COL4A2: variants seen among roughly 807,000 people sequenced by gnomAD.
COL4A2 encodes the protein collagen type IV alpha 2 chain, also known as collagen alpha-2(IV) chain.
In COL4A2, 99 loss-of-function variants were observed where a neutral mutation model predicts 200.2. The observed-to-expected ratio is 0.49, with a 90% confidence interval of 0.42 to 0.58. The LOEUF (loss-of-function observed/expected upper bound fraction) is 0.58, where lower values mean the gene tolerates loss of function less well. Among genes scored for constraint, COL4A2 ranks in the 20% least tolerant of loss-of-function variants. The probability of loss-of-function intolerance (pLI) is 0.00; values close to 1 mark genes in which losing one functional copy is unlikely to be tolerated. For synonymous variants in COL4A2, 897 were observed against 900.6 expected (o/e 1.00, Z 0.07); for missense variants, 1,950 against 2,314.1 (o/e 0.84, Z 3.23).
intron 28 of COL4A2, among the ~76,000 whole-genome samples, chr13:110,472,519 T>C (rs1241203066): frequency 6.6e-6 from 1 of 152,162 alleles, no homozygotes; most frequent in Admixed American, 6.5e-5. Context: ...CTGACGGCCC[T>C]GTTCGTTCCT....
intron 4 of COL4A2, among the ~76,000 whole-genome samples, chr13:110,389,265 G>A (rs1370043065): frequency 6.6e-6 from 1 of 152,160 alleles, no homozygotes; most frequent in Non-Finnish European, 1.5e-5. Context: ...ATAAAGTAGT[G>A]CATCATGTGG....
Position 110,385,962 on chromosome 13 carries a change from TGTGGATGGGCCGTGGTC to T in COL4A2, c.180+28411_180+28427del, listed in dbSNP as rs1566505657. 4.5e-5 allele frequency among the ~76,000 whole-genome samples: 6 copies of T among 132,618 alleles called. 2 individuals are homozygous for T. The highest frequency in any genetic ancestry group is 5.1e-4 in the South Asian group (2 of 3,950). 87.0% of individuals were successfully genotyped at this position (132,618 alleles called of 152,430 possible). A position where few individuals can be genotyped will look rare whatever the true frequency, so the allele number is the denominator to read the frequency against. On this transcript the variant is annotated intron_variant, in intron 4 of 47. Coordinates refer to ENST00000360467, the MANE Select transcript of COL4A2 (RefSeq NM_001846.4). Reference sequence around the variant, plus strand: ...GTGTGGATGGGCCGTGGTCACAGCGTGTGGATGGGCCGTGGTCACAGCGTGTGGATGGGCCGTGGTCA... The same window carrying T: ...GTGTGGATGGGCCGTGGTCACAGCGTACAGCGTGTGGATGGGCCGTGGTCA...
intron 16 of COL4A2, among the ~76,000 whole-genome samples, chr13:110,440,453 C>A (rs887853239): frequency 6.6e-6 from 1 of 151,970 alleles, no homozygotes; most frequent in Non-Finnish European, 1.5e-5. Context: ...CAAAATTTGC[C>A]AGGCATGGTG....
chr13:110,408,826 C>CAT (rs1879690389), intron 4 of COL4A2, among the ~76,000 whole-genome samples: 1 of 10,048 alleles, frequency 1.0e-4, no homozygotes, highest in Non-Finnish European at 2.2e-4. Flanking sequence ...CACACACATG[C>CAT]ACACACACAT....
In COL4A2 at chr13:110,482,761, A is replaced by G. The variant is rs114140846; in HGVS notation, c.2902+102A>G. 1.2e-3 allele frequency: 1,525 copies of G among 1,275,796 alleles called. 8 individuals carry two copies. Among genetic ancestry groups the G allele is most frequent in the African/African-American group, 0.01 (673 of 67,186 alleles). The allele number at this position is 1,275,796 out of a possible 1,614,324, so 79.0% of individuals were successfully genotyped here. On this transcript the variant is annotated intron_variant, in intron 32 of 47. Coordinates refer to ENST00000360467, the MANE Select transcript of COL4A2 (RefSeq NM_001846.4). The stretch of plus-strand genomic sequence containing the variant: ...GCCCAGAATGAATTTTTGAAAACCC[A>G]TGCATCCAGGAACCCTAAAGCTAGA...
chr13:110,310,573 T>C (rs1884949062), intron 3 of COL4A2, among the ~76,000 whole-genome samples: 1 of 152,268 alleles, frequency 6.6e-6, no homozygotes, highest in Non-Finnish European at 1.5e-5. Context: ...TTCTACTTAC[T>C]CACTTCTTGG....
intron 45 of COL4A2, 52 bp downstream of exon 45, chr13:110,504,316 C>T (rs769943222): frequency 1.6e-5 from 23 of 1,460,708 alleles, no homozygotes; most frequent in Non-Finnish European, 2.1e-5. Flanking sequence ...CTGGATCTGA[C>T]TCACAGACTG....
intron 4 of COL4A2, among the ~76,000 whole-genome samples, chr13:110,390,097 T>C (rs183781348): frequency 1.7e-4 from 26 of 152,310 alleles, no homozygotes; most frequent in African/African-American, 6.0e-4. Flanking sequence ...TCAAAAAGCA[T>C]GTATTGAGCC....
At chr13:110,460,330 G>T (rs1197804868) in intron 22 of COL4A2, among the ~76,000 whole-genome samples, 2 of 152,172 alleles carry the variant, frequency 1.3e-5, no homozygotes, top group Non-Finnish European at 2.9e-5. Flanking sequence ...TCAGAAAACA[G>T]ATAGGAAAAT....
In COL4A2 at chr13:110,489,479, A is replaced by G. The variant is rs370759950; in HGVS notation, c.3242A>G (p.Tyr1081Cys). 2.0e-5 allele frequency: 32 copies of G among 1,614,088 alleles called. No homozygotes were observed. The highest frequency in any genetic ancestry group is 1.7e-4 in the African/African-American group (13 of 74,928). The stretch of plus-strand genomic sequence containing the variant: ...GGTGCCCCAGGGAGAGCAGGCCTGT[A>G]TGGCGAGATTGGCGCGACTGGTGAT... ...DKGAPGRAGL[Y>C]GEIGATGDFG... is the part of the protein sequence containing the mutation. Residue 1081 changes from tyrosine (Y) to cysteine (C), a missense_variant, in exon 35 of 48, where the codon TAT becomes TGT. Physicochemically the swap from Tyr to Cys is radical, Grantham distance 194 (BLOSUM62 -2). Around this residue, in one of 2 missense-constraint regions of COL4A2, gnomAD observed 1,385 missense variants for 1,720.5 expected, o/e 0.80. Coordinates refer to ENST00000360467, the MANE Select transcript of COL4A2 (RefSeq NM_001846.4).
intron 3 of COL4A2, among the ~76,000 whole-genome samples, chr13:110,351,825 G>T (rs1411249731): frequency 6.6e-6 from 1 of 152,188 alleles, no homozygotes; most frequent in Non-Finnish European, 1.5e-5. Context: ...GGGAAGTAAT[G>T]ATTCATCCCC....
chr13:110,438,804 C>A lies in COL4A2; in HGVS notation c.912+136C>A, dbSNP rs1267321649. The A allele has an allele frequency of 6.6e-5, 43 of 650,622 alleles. 1 individual carries two copies. The highest frequency in any genetic ancestry group is 1.0e-4 in the Non-Finnish European group (41 of 408,898). 40.3% of individuals were successfully genotyped at this position (650,622 alleles called of 1,614,324 possible). A position where few individuals can be genotyped will look rare whatever the true frequency, so the allele number is the denominator to read the frequency against. ...GAGATTTCCCGTTATTACTCCCCAC[C>A]CCCCCCCACACACACACACAGCAGC... On this transcript the variant is annotated intron_variant, in intron 15 of 47. Coordinates refer to ENST00000360467, the MANE Select transcript of COL4A2 (RefSeq NM_001846.4).
chr13:110,338,034 A>G (rs1263450557), intron 3 of COL4A2, among the ~76,000 whole-genome samples: 1 of 152,152 alleles, frequency 6.6e-6, no homozygotes, highest in African/African-American at 2.4e-5. Flanking sequence ...AAACTCTCCA[A>G]AGGAACCATT....
chr13:110,488,311 C>T (rs898858908), intron 34 of COL4A2, among the ~76,000 whole-genome samples: 1 of 152,234 alleles, frequency 6.6e-6, no homozygotes, highest in African/African-American at 2.4e-5. Flanking sequence ...AGGCCTGAGC[C>T]ACCACCCCCG....
chr13:110,408,706 G>C (rs1417367215), intron 4 of COL4A2, among the ~76,000 whole-genome samples: 2 of 152,136 alleles, frequency 1.3e-5, no homozygotes, highest in African/African-American at 4.8e-5. Flanking sequence ...CATTGCTCCT[G>C]CCTGGTGGAA....
intron 3 of COL4A2, chr13:110,328,449 G>C (rs554639826): frequency 6.6e-6 from 1 of 152,314 alleles, no homozygotes; most frequent in South Asian, 2.1e-4. Flanking sequence ...AAGCAAATGC[G>C]GTGCAAGCTG....
chr13:110,421,227 G>A (rs1347177549), intron 4 of COL4A2, among the ~76,000 whole-genome samples: 1 of 152,138 alleles, frequency 6.6e-6, no homozygotes, highest in African/African-American at 2.4e-5. Flanking sequence ...ATTTACAGCA[G>A]CACTATTTAG....
chr13:110,410,138 C>G (rs1055087098), intron 4 of COL4A2, among the ~76,000 whole-genome samples: 1 of 152,148 alleles, frequency 6.6e-6, no homozygotes, highest in Non-Finnish European at 1.5e-5. Flanking sequence ...TTTTACTGTC[C>G]GCCATTTAAC....
At chr13:110,419,143 G>A (rs889459377) in intron 4 of COL4A2, among the ~76,000 whole-genome samples, 3 of 152,290 alleles carry the variant, frequency 2.0e-5, no homozygotes, top group South Asian at 2.1e-4. Flanking sequence ...GGGAGGGTCC[G>A]CCCTGGGGAA....
Sources: gnomAD v4.1 joint callset for allele counts (sites outside exome capture counted in the v4.1 genomes callset) on GRCh38, gnomAD v4.1.1 for gene constraint, gnomAD v4.1.1 regional missense constraint, MANE v1.5 for transcripts, NCBI Gene and HGNC (gene_info 2026-07-23, HGNC 2026-07-21) for gene names.